Variants in PLD5 observed in about 807,000 individuals in gnomAD.
PLD5 encodes the protein inactive phospholipase D5.
A neutral mutation model predicts 61.1 loss-of-function variants in PLD5; 36 were observed. The ratio of observed to expected loss-of-function variants is 0.59; its 90% CI spans 0.45 to 0.78. The LOEUF is 0.78. Among genes scored for constraint, PLD5 ranks in the 30% least tolerant of loss-of-function variants. The pLI, the probability that PLD5 is intolerant of heterozygous loss-of-function variation, is 0.00. For synonymous variants in PLD5, 243 were observed against 242.8 expected (o/e 1.00, Z -0.01); for missense variants, 515 against 644.4 (o/e 0.80, Z 2.17).
chr1:242,097,723 T>A (rs1298615632), intron 9 of PLD5, among the ~76,000 whole-genome samples: 1 of 152,222 alleles, frequency 6.6e-6, no homozygotes, highest in Non-Finnish European at 1.5e-5. Flanking sequence ...GGTAGTTTCT[T>A]TTGCTGTGCA....
chr1:242,152,241 T>A (rs1333619994), intron 5 of PLD5, among the ~76,000 whole-genome samples: 1 of 152,070 alleles, frequency 6.6e-6, no homozygotes, highest in Non-Finnish European at 1.5e-5. Flanking sequence ...TCAGCAGTAG[T>A]GGGTTCAGTT....
At chr1:242,297,432 G>A (rs1307417068) in intron 2 of PLD5, among the ~76,000 whole-genome samples, 1 of 128,538 alleles carries the variant, frequency 7.8e-6, no homozygotes, top group African/African-American at 2.9e-5. Context: ...TTTAAGGCAG[G>A]GTCTTGCTCT....
intron 2 of PLD5, among the ~76,000 whole-genome samples, chr1:242,326,870 CT>C (rs762711570): frequency 1.3e-3 from 189 of 145,802 alleles, no homozygotes; most frequent in Middle Eastern, 3.6e-3. Flanking sequence ...CCACATCTGC[CT>C]TTTTTTTTTT....
chr1:242,482,582 T>C (rs1243391102), intron 1 of PLD5, among the ~76,000 whole-genome samples: 4 of 152,322 alleles, frequency 2.6e-5, no homozygotes, highest in Non-Finnish European at 1.5e-5. Context: ...CTATGTCTGA[T>C]TGGTGTACCT....
chr1:242,309,871 T>TG (rs1488735895), intron 2 of PLD5, among the ~76,000 whole-genome samples: 1 of 147,282 alleles, frequency 6.8e-6, no homozygotes, highest in East Asian at 2.0e-4. Flanking sequence ...ATTGAGTTTT[T>TG]TTATTCTTAG....
chr1:242,255,893 A>G (rs564670323), intron 4 of PLD5, among the ~76,000 whole-genome samples: 2 of 152,366 alleles, frequency 1.3e-5, no homozygotes, highest in East Asian at 3.9e-4. Flanking sequence ...TCTTATTTCA[A>G]TTAAGATTTT....
At chr1:242,223,023 C>G (rs559818487) in intron 4 of PLD5, among the ~76,000 whole-genome samples, 77 of 152,226 alleles carry the variant, frequency 5.1e-4, no homozygotes, top group African/African-American at 1.8e-3. Flanking sequence ...CACAAAACAC[C>G]ATACACAACA....
At chr1:242,091,828 TTTTC>T (rs1659853042) in intron 9 of PLD5, among the ~76,000 whole-genome samples, 1 of 149,780 alleles carries the variant, frequency 6.7e-6, no homozygotes, top group Admixed American at 6.8e-5. Flanking sequence ...TCTTTTCTTT[TTTTC>T]TTTTTTTTTT....
chr1:242,090,818 T>C (rs1317623759), intron 9 of PLD5, among the ~76,000 whole-genome samples: 2 of 152,234 alleles, frequency 1.3e-5, no homozygotes, highest in Non-Finnish European at 1.5e-5. Flanking sequence ...GGAGGGTTGA[T>C]TCCTTCTGAG....
At chr1:242,435,940 A>G (rs1484572736) in intron 1 of PLD5, among the ~76,000 whole-genome samples, 2 of 152,210 alleles carry the variant, frequency 1.3e-5, no homozygotes, top group East Asian at 3.9e-4. Context: ...AAAGTAGTAG[A>G]GAAAGAAAAA....
intron 7 of PLD5, among the ~76,000 whole-genome samples, chr1:242,108,269 T>TA (rs139227979): frequency 0.064 from 9,667 of 152,232 alleles, 1,048 homozygotes; most frequent in African/African-American, 0.22. Context: ...GAAATGAACT[T>TA]ACGCTCTGGT....
intron 1 of PLD5, among the ~76,000 whole-genome samples, chr1:242,430,578 C>T (rs574890274): frequency 6.5e-4 from 99 of 152,300 alleles, no homozygotes; most frequent in South Asian, 3.5e-3. Flanking sequence ...AGCTCATGTG[C>T]TTGCCATCCA....
intron 7 of PLD5, among the ~76,000 whole-genome samples, chr1:242,112,323 G>GTATATATATATATATATA (rs1491036599): frequency 1.2e-5 from 1 of 80,568 alleles, no homozygotes; most frequent in African/African-American, 6.8e-5. Context: ...GTGTGTGTGT[G>GTATATATATATATATATA]TATGTATGTA....
rs146775916 is a variant in PLD5, at chr1:242,293,611, C to A, written c.327-5081G>T. On this transcript the variant is annotated intron_variant, in intron 2 of 9. Transcript: ENST00000536534. ...GCCCACTGGGGGTCTTAGAACACAT[C>A]CTCTGAGGATAAGTAGGGACTACTG... is the stretch of plus-strand genomic sequence containing the variant. 1.2e-4 allele frequency among the ~76,000 whole-genome samples: 18 copies of A among 152,224 alleles called. No homozygotes were observed. In the East Asian group the frequency reaches 3.1e-3, roughly 26 times the overall value.
chr1:242,431,022 C>G lies in PLD5; in HGVS notation c.190-82780G>C, dbSNP rs184422135. Among the ~76,000 whole-genome samples the G allele has an allele frequency of 1.1e-3, 175 of 152,312 alleles. 1 individual carries two copies. Among genetic ancestry groups the G allele is most frequent in the Middle Eastern group, 3.4e-3 (1 of 294 alleles). On this transcript the variant is annotated intron_variant, in intron 1 of 9. Coordinates refer to ENST00000536534, the MANE Select transcript of PLD5 (RefSeq NM_001372062.1). ...TCCTCTGGCCTTGTCTTCCCTGAAG[C>G]TGACCACACGCCTCATGTCCAAGCC...
chr1:242,415,456 T>G (rs1284876179), intron 1 of PLD5, among the ~76,000 whole-genome samples: 2 of 150,814 alleles, frequency 1.3e-5, no homozygotes, highest in East Asian at 3.9e-4. Flanking sequence ...CCATCAAACA[T>G]CAGTCAACAA....
At chr1:242,478,295 G>C (rs574139390) in intron 1 of PLD5, among the ~76,000 whole-genome samples, 1 of 152,278 alleles carries the variant, frequency 6.6e-6, no homozygotes, top group East Asian at 1.9e-4. Context: ...GCCTTTGGAA[G>C]CTCACTGTGT....
intron 5 of PLD5, among the ~76,000 whole-genome samples, chr1:242,162,579 A>T (rs1018324724): frequency 6.6e-6 from 1 of 152,070 alleles, no homozygotes; most frequent in Non-Finnish European, 1.5e-5. Flanking sequence ...TTAATGTATT[A>T]AAAAAAATTG....
At position 242,410,957 on chromosome 1, in the gene PLD5, G is replaced by GAA. The variant is rs11389251; in HGVS notation, c.190-62717_190-62716dup. 6.7e-4 allele frequency among the ~76,000 whole-genome samples: 98 copies of GAA among 146,644 alleles called. No homozygotes were observed. The East Asian group carries it at 0.015, about 22-fold the overall frequency. On this transcript the variant is annotated intron_variant, in intron 1 of 9. Transcript: ENST00000536534. Reference sequence around the variant, plus strand: ...CCAATGCTGATTTTTACCAATAATCGAAAAAAAAAAGAAAAAAGTATTTTT... The same window carrying GAA: ...CCAATGCTGATTTTTACCAATAATCGAAAAAAAAAAAAGAAAAAAGTATTTTT...
Sources: allele counts gnomAD v4.1 joint callset (sites outside exome capture counted in the v4.1 genomes callset), GRCh38; gene constraint gnomAD v4.1.1; transcripts MANE v1.5; gene names NCBI Gene and HGNC (gene_info 2026-07-23, HGNC 2026-07-21).